Variants in ACTB observed in about 807,000 individuals in gnomAD.
ACTB encodes the protein actin, cytoplasmic 1.
In ACTB, 2 loss-of-function variants were observed where a neutral mutation model predicts 30.5. That is an observed-to-expected ratio of 0.07 (90% CI 0.03 to 0.21). The LOEUF (loss-of-function observed/expected upper bound fraction) is 0.21. Among genes scored for constraint, ACTB ranks in the 10% least tolerant of loss-of-function variants. The pLI is 1.00. For missense variants in ACTB, 56 were observed against 530.0 expected, an observed-to-expected ratio of 0.11 and a Z score of 8.78; for synonymous variants, 335 against 217.6, an observed-to-expected ratio of 1.54 and a Z score of -4.75.
chr7:5,529,735 T>G, intron 1 of ACTB, 72 bp from the exon 2 acceptor site: 1 of 1,604,850 alleles, frequency 6.2e-7, no homozygotes, highest in Non-Finnish European at 8.5e-7. Context: ...CGCCGAGTCC[T>G]TAGGCCGCCA....
At chr7:5,529,969 C>A (rs992686134) in intron 1 of ACTB, 4 of 239,598 alleles carry the variant, frequency 1.7e-5, no homozygotes, top group African/African-American at 9.4e-5. Context: ...GCCAGCGGCT[C>A]GGGCAGGAAG....
chr7:5,528,967 CAGAG>C, intron 3 of ACTB, 190 bp downstream of exon 3: 5 of 1,560,238 alleles, frequency 3.2e-6, no homozygotes, highest in South Asian at 1.2e-5. Context: ...GACACCTAGT[CAGAG>C]AGACAAACAC....
chr7:5,527,493 T>C lies in ACTB; in HGVS notation c.*255A>G. 1 of 594,836 alleles carries C rather than the reference T, an allele frequency of 1.7e-6. No individual in the cohort carries two copies. Among genetic ancestry groups the C allele is most frequent in the Non-Finnish European group, 2.9e-6 (1 of 347,572 alleles). The allele number at this position is 594,836 out of a possible 1,614,324, so 36.8% of individuals were successfully genotyped here. A position where few individuals can be genotyped will look rare whatever the true frequency, so the allele number is the denominator to read the frequency against. On this transcript the variant is annotated 3_prime_UTR_variant, in exon 6 of 6. Coordinates refer to ENST00000646664, the MANE Select transcript of ACTB (RefSeq NM_001101.5). ...CTTCCTGTAACAACGCATCTCATAT[T>C]TGGAATGACTATTAAAAAAACAACA...
intron 3 of ACTB, 190 bp downstream of exon 3, chr7:5,528,968 AGAG>A: frequency 2.6e-6 from 4 of 1,560,662 alleles, no homozygotes; most frequent in Non-Finnish European, 3.5e-6. Context: ...ACACCTAGTC[AGAG>A]AGACAAACAC....
At chr7:5,528,971 G>C in intron 3 of ACTB, 190 bp downstream of exon 3, 1 of 1,566,450 alleles carries the variant, frequency 6.4e-7, no homozygotes, top group Non-Finnish European at 8.7e-7. Flanking sequence ...CCTAGTCAGA[G>C]AGACAAACAC....
Position 5,527,782 on chromosome 7 carries a change from G to C in ACTB, c.1094C>G (p.Ser365Cys). ...MWISKQEYDE[S>C]GPSIVHRKCF Reference sequence around the variant, plus strand: ...TTTGCGGTGGACGATGGAGGGGCCGGACTCGTCATACTCCTGCTTGCTGAT... The same window carrying C: ...TTTGCGGTGGACGATGGAGGGGCCGCACTCGTCATACTCCTGCTTGCTGAT... The change falls in exon 6 of 6, where the codon TCC becomes TGC. Residue 365 changes from serine (S) to cysteine (C), a missense_variant. Around this residue, in one of 5 missense-constraint regions of ACTB, gnomAD observed 4 missense variants for 61.9 expected, o/e 0.06. Coordinates refer to ENST00000646664, the MANE Select transcript of ACTB (RefSeq NM_001101.5). 1 of 1,614,002 alleles carries C rather than the reference G, an allele frequency of 6.2e-7. No individual in the cohort carries two copies. The highest frequency in any genetic ancestry group is 8.5e-7 in the Non-Finnish European group (1 of 1,180,004).
intron 3 of ACTB, 77 bp from the exon 4 acceptor site, chr7:5,528,796 A>C: frequency 6.5e-7 from 1 of 1,545,838 alleles, no homozygotes; most frequent in Non-Finnish European, 8.9e-7. Context: ...ACATGCAGAA[A>C]GTGCAAAGAA....
Position 5,528,618 on chromosome 7 carries a change from G to T in ACTB, c.465C>A (p.Ser155=). 2 of 1,613,996 alleles carry T rather than the reference G, an allele frequency of 1.2e-6. No individual in the cohort carries two copies. Among genetic ancestry groups the T allele is most frequent in the Non-Finnish European group, 1.7e-6 (2 of 1,180,032 alleles). ...GCACAGTGTGGGTGACCCCGTCACC[G>T]GAGTCCATCACGATGCCAGTGGTAC... The part of the protein sequence containing the change: ...SGRTTGIVMD[S]GDGVTHTVPI... The change falls in exon 4 of 6, where the codon TCC becomes TCA. Residue 155 remains serine, a synonymous_variant. Transcript: ENST00000646664.
Position 5,528,781 on chromosome 7 carries a change from G to A in ACTB, c.364-62C>T, listed in dbSNP as rs192301406. 7.2e-5 allele frequency: 114 copies of A among 1,575,654 alleles called. No individual in the cohort carries two copies. In the African/African-American group the frequency reaches 9.4e-4, roughly 13 times the overall value. On this transcript the variant is annotated intron_variant, in intron 3 of 5. Transcript: ENST00000646664. ...GCCACTGGGGACAGCCAGGCCAGACGGGGGACATGCAGAAAGTGCAAAGAA... is the reference window on the plus strand; with the variant it reads ...GCCACTGGGGACAGCCAGGCCAGACAGGGGACATGCAGAAAGTGCAAAGAA...
chr7:5,528,955 T>C (rs1177054437), intron 3 of ACTB: 1 of 1,542,730 alleles, frequency 6.5e-7, no homozygotes. Flanking sequence ...AACACTGTCT[T>C]AGACACCTAG....
rs199962715 is a variant in ACTB at position 5,528,235 on chromosome 7, G to T, written c.802+46C>A. 5.0e-6 allele frequency: 8 copies of T among 1,613,734 alleles called. 1 individual carries two copies. The South Asian group carries it at 5.5e-5, about 11-fold the overall frequency. On this transcript the variant is annotated intron_variant, in intron 4 of 5. Coordinates refer to ENST00000646664, the MANE Select transcript of ACTB (RefSeq NM_001101.5). ...TTAGCTTCCACAGCACAGCCCCGAGGGGTAACCCTCATGTCAGGCAGAGCC... is the reference window on the plus strand; with the variant it reads ...TTAGCTTCCACAGCACAGCCCCGAGTGGTAACCCTCATGTCAGGCAGAGCC...
intron 3 of ACTB, 61 bp downstream of exon 3, chr7:5,529,100 G>A (rs1460783024): frequency 6.2e-7 from 1 of 1,613,554 alleles, no homozygotes; most frequent in African/African-American, 1.3e-5. Flanking sequence ...GAGAAAGGGC[G>A]CAGCTCCGGG....
chr7:5,528,863 C>A, intron 3 of ACTB, 144 bp from the exon 4 acceptor site: 1 of 1,379,638 alleles, frequency 7.2e-7, no homozygotes, highest in Non-Finnish European at 1.0e-6. Context: ...CTACTGTGCA[C>A]CTACTTAATA....
At position 5,529,575 on chromosome 7, in the gene ACTB, C is replaced by CG. The variant is rs1260854008; in HGVS notation, c.82dup (p.Arg28ProfsTer66). 6.2e-7 allele frequency: 1 copy of CG among 1,611,564 alleles called. No individual in the cohort carries two copies. ...CCCCACGATGGAGGGGAAGACGGCCCGGGGGGCATCGTCGCCCGCGAAGCC... is the reference window on the plus strand; with the variant it reads ...CCCCACGATGGAGGGGAAGACGGCCCGGGGGGGCATCGTCGCCCGCGAAGCC... On this transcript the variant is annotated frameshift_variant, in exon 2 of 6. Coordinates refer to ENST00000646664, the MANE Select transcript of ACTB (RefSeq NM_001101.5). LOFTEE classifies it high-confidence loss of function.
At chr7:5,529,729 G>T (rs543645878) in intron 1 of ACTB, 66 bp from the exon 2 acceptor site, 3 of 1,606,294 alleles carry the variant, frequency 1.9e-6, no homozygotes, top group South Asian at 1.1e-5. Context: ...CCGGCGCGCC[G>T]AGTCCTTAGG....
chr7:5,529,505 G>A (rs779894507), intron 2 of ACTB, 30 bp downstream of exon 2: 3 of 1,611,918 alleles, frequency 1.9e-6, no homozygotes, highest in Non-Finnish European at 2.5e-6. Flanking sequence ...GCCCGCTCCC[G>A]GGGCTGCCCC....
chr7:5,528,756 G>A (rs1403989566), intron 3 of ACTB, 37 bp from the exon 4 acceptor site: 2 of 1,608,114 alleles, frequency 1.2e-6, no homozygotes, highest in Admixed American at 1.7e-5. Flanking sequence ...CACTGGGGAA[G>A]CCACTGGGGA....
Position 5,529,254 on chromosome 7 carries a change from G to A in ACTB, c.270C>T (p.Phe90=), listed in dbSNP as rs1446932164. The change falls in exon 3 of 6, where the codon TTC becomes TTT. Residue 90 remains phenylalanine, a synonymous_variant. Transcript: ENST00000646664. Reference sequence around the variant, plus strand: ...CGGGAGCCACACGCAGCTCATTGTAGAAGGTGTGGTGCCAGATTTTCTCCA... The same window carrying A: ...CGGGAGCCACACGCAGCTCATTGTAAAAGGTGTGGTGCCAGATTTTCTCCA... ...DDMEKIWHHT[F]YNELRVAPEE... is the part of the protein sequence containing the mutation. The A allele has an allele frequency of 9.9e-6, 16 of 1,613,952 alleles. No individual in the cohort carries two copies. The highest frequency in any genetic ancestry group is 1.7e-5 in the Admixed American group (1 of 60,014).
In ACTB at chr7:5,528,082, G is replaced by T. The variant is rs201400527; in HGVS notation, c.906C>A (p.Gly302=). 6.2e-7 allele frequency: 1 copy of T among 1,614,254 alleles called. No individual in the cohort carries two copies. Among genetic ancestry groups the T allele is most frequent in the East Asian group, 2.2e-5 (1 of 44,890 alleles). Residue 302 remains glycine, a synonymous_variant, in exon 5 of 6, where the codon GGC becomes GGA. Transcript: ENST00000646664. The part of the protein sequence containing the change: ...DLYANTVLSG[G]TTMYPGIADR... ...CGGCAATGCCAGGGTACATGGTGGT[G>T]CCGCCAGACAGCACTGTGTTGGCGT...
Sources: gnomAD v4.1 joint callset for allele counts on GRCh38, gnomAD v4.1.1 for gene constraint, gnomAD v4.1.1 regional missense constraint, MANE v1.5 for transcripts, NCBI Gene and HGNC (gene_info 2026-07-23, HGNC 2026-07-21) for gene names.